HMGXB3: variants seen among roughly 807,000 people sequenced by gnomAD.
HMGXB3 encodes HMG domain-containing protein 3.
In HMGXB3, 45 loss-of-function variants were observed where a neutral mutation model predicts 121.5. The observed-to-expected ratio is 0.37, with a 90% CI of 0.29 to 0.47. The LOEUF (loss-of-function observed/expected upper bound fraction) is 0.47, where lower values mean the gene tolerates loss of function less well. HMGXB3 is among the 20% of genes least tolerant of loss of function. HMGXB3 has a pLI of 0.99. For synonymous variants in HMGXB3, 590 were observed against 624.1 expected (o/e 0.95, Z 0.81); for missense variants, 1,376 against 1,602.2 (o/e 0.86, Z 2.41).
intron 5 of HMGXB3, among the ~76,000 whole-genome samples, chr5:150,017,330 G>A (rs904635525): frequency 4.6e-5 from 7 of 152,160 alleles, no homozygotes; most frequent in Admixed American, 4.6e-4. Flanking sequence ...CCTGAGAAAG[G>A]ATCAGAGATG....
chr5:150,012,190 G>T (rs1201463562), intron 4 of HMGXB3, 65 bp from the exon 5 acceptor site: 2 of 1,103,922 alleles, frequency 1.8e-6, no homozygotes, highest in East Asian at 5.1e-5. Context: ...TTCCAGTGTT[G>T]AGTGGCCTGG....
At chr5:150,018,485 C>T (rs1275492772) in intron 5 of HMGXB3, 81 bp from the exon 6 acceptor site, 1 of 1,188,512 alleles carries the variant, frequency 8.4e-7, no homozygotes, top group Non-Finnish European at 1.1e-6. Context: ...AGCTTGTGAC[C>T]TCCTGGTGTT....
chr5:150,034,620 G>A (rs1475041982), intron 11 of HMGXB3, among the ~76,000 whole-genome samples: 1 of 152,092 alleles, frequency 6.6e-6, no homozygotes, highest in Non-Finnish European at 1.5e-5. Flanking sequence ...CCCACCCCCA[G>A]GACCCTCATC....
chr5:150,045,142 G>A (rs1173587120), intron 15 of HMGXB3, among the ~76,000 whole-genome samples: 1 of 152,216 alleles, frequency 6.6e-6, no homozygotes, highest in East Asian at 1.9e-4. Flanking sequence ...TCATTACAAA[G>A]TGTCTGGCAC....
intron 9 of HMGXB3, among the ~76,000 whole-genome samples, chr5:150,027,451 C>G (rs1269596698): frequency 6.6e-6 from 1 of 152,088 alleles, no homozygotes; most frequent in African/African-American, 2.4e-5. Context: ...CATGTGTGTC[C>G]CCCCACCATA....
At chr5:150,028,535 G>A (rs1366980410) in intron 9 of HMGXB3, among the ~76,000 whole-genome samples, 1,602 of 61,388 alleles carry the variant, frequency 0.026, 46 homozygotes, top group African/African-American at 0.13. Context: ...GTGTGTGTGT[G>A]TGTGTGTATA....
Position 150,036,934 on chromosome 5 carries a change from A to G in HMGXB3, c.2282A>G (p.Gln761Arg). Reference sequence around the variant, plus strand: ...AGCAGCCCATTATTCAAAGGGGGACAAAAGTAAGCACCCCTTAACTCTGCC... The same window carrying G: ...AGCAGCCCATTATTCAAAGGGGGACGAAAGTAAGCACCCCTTAACTCTGCC... ...LCSSPLFKGG[Q>R]NSLAGPQECW... Residue 761 changes from glutamine to arginine, a missense_variant, in exon 12 of 20, where the codon CAA becomes CGA. This residue lies in a region of HMGXB3 where 1,116 missense variants were observed against 1,369.0 expected (regional missense o/e 0.82). Transcript: ENST00000502717. The G allele has an allele frequency of 6.5e-7, 1 of 1,549,574 alleles. No homozygotes were observed. Among genetic ancestry groups the G allele is most frequent in the East Asian group, 2.4e-5 (1 of 40,914 alleles).
At position 150,047,692 on chromosome 5, in the gene HMGXB3, A is replaced by G; in HGVS notation, c.3019A>G (p.Ser1007Gly). ...TCKLDEIGSY[S>G]EEKLQHLLRQ... ...CAAGCTTGATGAGATTGGCTCCTAC[A>G]GTGAAGAGAAGCTGCAGCACCTGCT... Residue 1007 changes from serine (S) to glycine (G), a missense_variant, in exon 17 of 20, where the codon AGT becomes GGT. Transcript: ENST00000502717. The G allele has an allele frequency of 6.4e-7, 1 of 1,551,756 alleles. No homozygotes were observed. The highest frequency in any genetic ancestry group is 8.7e-7 in the Non-Finnish European group (1 of 1,146,998).
rs542312116 is a variant in HMGXB3, at chr5:150,051,824, C to T, written c.3511C>T (p.Arg1171Cys). The stretch of plus-strand genomic sequence containing the variant: ...CCCAGTCACCAAGACTGCCACGCGG[C>T]GCATCGTCCATGCAGGCCTACAGCC... ...QHPVTKTATR[R>C]IVHAGLQPNP... is the part of the protein sequence containing the mutation. Residue 1171 changes from arginine (R) to cysteine (C), a missense_variant, in exon 20 of 20, where the codon CGC becomes TGC. Transcript: ENST00000502717. The T allele has an allele frequency of 1.7e-4, 271 of 1,549,520 alleles. 1 individual carries two copies. Among genetic ancestry groups the T allele is most frequent in the South Asian group, 3.9e-4 (33 of 84,066 alleles).
intron 16 of HMGXB3, among the ~76,000 whole-genome samples, chr5:150,046,508 T>C (rs1756758044): frequency 6.6e-6 from 1 of 152,238 alleles, no homozygotes; most frequent in African/African-American, 2.4e-5. Flanking sequence ...TCTCAAACAG[T>C]GCTTCCTAAT....
intron 6 of HMGXB3, 60 bp downstream of exon 6, chr5:150,018,757 A>G (rs1477971792): frequency 6.2e-6 from 9 of 1,458,658 alleles, no homozygotes; most frequent in Non-Finnish European, 7.3e-6. Flanking sequence ...TCTGTTTGCC[A>G]TTAGGAACAG....
At chr5:150,040,916 C>A in intron 14 of HMGXB3, 37 bp downstream of exon 14, 1 of 1,491,554 alleles carries the variant, frequency 6.7e-7, no homozygotes, top group South Asian at 1.3e-5. Flanking sequence ...AAGGTTAGTC[C>A]TAAGCTCCCT....
chr5:150,021,984 G>A, intron 6 of HMGXB3: 1 of 384,484 alleles, frequency 2.6e-6, no homozygotes, highest in South Asian at 2.0e-5. Flanking sequence ...TGAGTCAGGA[G>A]CAGGAGCGGG....
chr5:150,003,330 T>C (rs1755622752), intron 1 of HMGXB3, among the ~76,000 whole-genome samples: 1 of 152,020 alleles, frequency 6.6e-6, no homozygotes, highest in Non-Finnish European at 1.5e-5. Flanking sequence ...TGGATAGCAG[T>C]GTAGCATAAT....
intron 2 of HMGXB3, among the ~76,000 whole-genome samples, chr5:150,005,664 C>G (rs1040228636): frequency 4.7e-4 from 71 of 151,628 alleles, no homozygotes; most frequent in Non-Finnish European, 7.4e-5. Context: ...CCAATTATAT[C>G]TGTACAGAAT....
chr5:150,011,121 C>A (rs1253819302), intron 4 of HMGXB3, among the ~76,000 whole-genome samples: 3 of 152,156 alleles, frequency 2.0e-5, no homozygotes, highest in Admixed American at 2.0e-4. Flanking sequence ...AACAATGGCA[C>A]CTTGAGCTGT....
intron 11 of HMGXB3, among the ~76,000 whole-genome samples, chr5:150,035,283 A>G (rs1305708564): frequency 6.6e-6 from 1 of 152,066 alleles, no homozygotes; most frequent in Non-Finnish European, 1.5e-5. Context: ...GACTGCCTCC[A>G]CTCATGGTGG....
At chr5:150,048,822 G>C in intron 18 of HMGXB3, 137 bp downstream of exon 18, 1 of 665,808 alleles carries the variant, frequency 1.5e-6, no homozygotes, top group Non-Finnish European at 2.7e-6. Context: ...CACGGGTCAG[G>C]TGCTACCCCC....
chr5:150,047,674 G>T lies in HMGXB3; in HGVS notation c.3001G>T (p.Asp1001Tyr), dbSNP rs1208441777. Residue 1001 changes from aspartate (D) to tyrosine (Y), a missense_variant, in exon 17 of 20, where the codon GAT becomes TAT. This residue lies in a region of HMGXB3 where 1,116 missense variants were observed against 1,369.0 expected (regional missense o/e 0.82). Coordinates refer to ENST00000502717, the MANE Select transcript of HMGXB3 (RefSeq NM_014983.3). ...RLLQEGTCKL[D>Y]EIGSYSEEKL... is the part of the protein sequence containing the mutation. ...GCTCCAGGAGGGCACCTGCAAGCTT[G>T]ATGAGATTGGCTCCTACAGTGAAGA... 6.4e-7 allele frequency: 1 copy of T among 1,551,758 alleles called. No homozygotes were observed. Among genetic ancestry groups the T allele is most frequent in the Admixed American group, 2.0e-5 (1 of 51,014 alleles).
Sources: gnomAD v4.1 joint callset for allele counts (sites outside exome capture counted in the v4.1 genomes callset) on GRCh38, gnomAD v4.1.1 for gene constraint, gnomAD v4.1.1 regional missense constraint, MANE v1.5 for transcripts, NCBI Gene and HGNC (gene_info 2026-07-23, HGNC 2026-07-21) for gene names.